Variants in IQSEC3 observed in about 807,000 individuals in gnomAD.
IQSEC3 encodes the protein IQ motif and Sec7 domain ArfGEF 3, also known as IQ motif and SEC7 domain-containing protein 3.
IQSEC3 carries 50 observed loss-of-function variants against 105.4 expected under a neutral mutation model. The ratio of observed to expected loss-of-function variants is 0.47; its 90% CI spans 0.38 to 0.60. The LOEUF is 0.60. Among genes scored for constraint, IQSEC3 ranks in the 20% least tolerant of loss-of-function variants. IQSEC3 has a pLI of 0.00. For missense variants in IQSEC3, 1,415 were observed against 1,630.0 expected, an observed-to-expected ratio of 0.87 and a Z score of 2.27; for synonymous variants, 708 against 746.0, an observed-to-expected ratio of 0.95 and a Z score of 0.83.
Position 157,558 on chromosome 12 carries a change from G to A in IQSEC3, c.2307G>A (p.Val769=). The change falls in exon 7 of 14, where the codon GTG becomes GTA. Residue 769 remains valine (V), a synonymous_variant. Coordinates refer to ENST00000538872, the MANE Select transcript of IQSEC3 (RefSeq NM_001170738.2). The part of the protein sequence containing the change: ...SQRYCMCNPE[V]VQQFHNPDTI... ...GCTACTGCATGTGCAACCCCGAAGT[G>A]GTTCAGCAGTTCCACAACCCCGACA... 6.2e-7 allele frequency: 1 copy of A among 1,614,110 alleles called. No individual in the cohort carries two copies. Among genetic ancestry groups the A allele is most frequent in the Non-Finnish European group, 8.5e-7 (1 of 1,179,980 alleles).
chr12:114,799 T>G (rs189005964), intron 2 of IQSEC3, among the ~76,000 whole-genome samples: 122 of 152,370 alleles, frequency 8.0e-4, no homozygotes, highest in African/African-American at 2.9e-3. Flanking sequence ...CACTGTCCCC[T>G]GGCCTGCCCC....
intron 2 of IQSEC3, among the ~76,000 whole-genome samples, chr12:112,330 C>T (rs1555079730): frequency 6.6e-6 from 1 of 151,978 alleles, no homozygotes; most frequent in Non-Finnish European, 1.5e-5. Flanking sequence ...GTGGGGGAGG[C>T]CGAGAAGCAG....
chr12:71,040 G>T (rs1229050999), intron 1 of IQSEC3, among the ~76,000 whole-genome samples: 1 of 152,198 alleles, frequency 6.6e-6, no homozygotes, highest in Non-Finnish European at 1.5e-5. Context: ...AGCTACACAG[G>T]GAAATCTCTT....
At chr12:159,158 G>A (rs567963959) in intron 7 of IQSEC3, among the ~76,000 whole-genome samples, 1 of 152,272 alleles carries the variant, frequency 6.6e-6, no homozygotes, top group African/African-American at 2.4e-5. Flanking sequence ...ACTTTCCTTG[G>A]AGTTAATGCT....
intron 3 of IQSEC3, among the ~76,000 whole-genome samples, chr12:131,412 G>A (rs1268805462): frequency 5.9e-5 from 9 of 152,164 alleles, no homozygotes; most frequent in South Asian, 2.1e-4. Flanking sequence ...GGTTCAGAAC[G>A]GGATTGGGGT....
intron 7 of IQSEC3, 48 bp from the exon 8 acceptor site, chr12:161,878 C>T (rs1555096330): frequency 1.4e-6 from 2 of 1,476,442 alleles, no homozygotes. Flanking sequence ...GGCTCTGACA[C>T]CCTCCCTCCC....
At chr12:163,407 CTG>C in intron 8 of IQSEC3, 85 bp from the exon 9 acceptor site, 2 of 1,381,560 alleles carry the variant, frequency 1.4e-6, no homozygotes, top group Non-Finnish European at 1.9e-6. Context: ...CTCTCCCGGG[CTG>C]TCTCCTCTTC....
In IQSEC3 at chr12:138,905, G is replaced by C. The variant is rs77474006; in HGVS notation, c.1542G>C (p.Gln514His). The part of the protein sequence containing the change: ...ALSVANCLGA[Q>H]TVQAPAEPAA... ...CGGTGGCCAACTGCCTGGGCGCTCA[G>C]ACGGTCCAGGCCCCCGCAGAGCCCG... is the stretch of plus-strand genomic sequence containing the variant. The change falls in exon 4 of 14, where the codon CAG (glutamine) becomes CAC (histidine). Residue 514 changes from glutamine to histidine, a missense_variant. By Grantham distance (24) the Gln-to-His change is conservative. This residue lies in a region of IQSEC3 where 720 missense variants were observed against 633.0 expected (regional missense o/e 1.14). Coordinates refer to ENST00000538872, the MANE Select transcript of IQSEC3 (RefSeq NM_001170738.2). This position sits in a 1 kb window ranked among gnomAD's most constrained non-coding sequence, Gnocchi z 7.1. The C allele has an allele frequency of 0.062, 99,454 of 1,606,956 alleles. 3,314 individuals are homozygous for C. The highest frequency in any genetic ancestry group is 0.081 in the East Asian group (3,611 of 44,598).
At chr12:169,288 G>A (rs1242862866) in intron 12 of IQSEC3, among the ~76,000 whole-genome samples, 183 bp downstream of exon 12, 1 of 152,222 alleles carries the variant, frequency 6.6e-6, no homozygotes, top group Non-Finnish European at 1.5e-5. Context: ...GAGGAGGAAG[G>A]CGAGAGAGAA....
At chr12:125,451 G>A (rs530484565) in intron 2 of IQSEC3, among the ~76,000 whole-genome samples, 182 bp from the exon 3 acceptor site, 122 of 152,094 alleles carry the variant, frequency 8.0e-4, no homozygotes, top group African/African-American at 2.3e-3. Flanking sequence ...GTTCTTCTCC[G>A]TGCCCAGGGC....
rs574955420 is a variant in IQSEC3, at chr12:74,347, A to C, written c.554+6911A>C. On this transcript the variant is annotated intron_variant, in intron 1 of 13. Coordinates refer to ENST00000538872, the MANE Select transcript of IQSEC3 (RefSeq NM_001170738.2). Reference sequence around the variant, plus strand: ...CTCTTAAAGACTTTTCTTACATGAGATATCTTCCAGGAAAATGAAAACAAA... The same window carrying C: ...CTCTTAAAGACTTTTCTTACATGAGCTATCTTCCAGGAAAATGAAAACAAA... Among the ~76,000 whole-genome samples the C allele has an allele frequency of 2.6e-5, 4 of 152,320 alleles. No homozygotes were observed. The East Asian group carries it at 7.7e-4, about 29-fold the overall frequency.
At position 139,303 on chromosome 12, in the gene IQSEC3, C is replaced by G; in HGVS notation, c.1940C>G (p.Thr647Ser). ...AGCTGCAAGTCGCCCACGCTCTCCA[C>G]CGACACCCTGCGCAAGCGGCTCTAC... is the stretch of plus-strand genomic sequence containing the variant. ...PASCKSPTLS[T>S]DTLRKRLYRI... The change falls in exon 4 of 14, where the codon ACC becomes AGC. Residue 647 changes from threonine (T) to serine (S), a missense_variant. Physicochemically the swap from Thr to Ser is moderately conservative, Grantham distance 58 (BLOSUM62 1). Coordinates refer to ENST00000538872, the MANE Select transcript of IQSEC3 (RefSeq NM_001170738.2). 1.2e-6 allele frequency: 2 copies of G among 1,602,558 alleles called. No homozygotes were observed. Among genetic ancestry groups the G allele is most frequent in the Non-Finnish European group, 1.7e-6 (2 of 1,175,348 alleles).
At chr12:141,580 C>A in intron 5 of IQSEC3, 1 of 353,966 alleles carries the variant, frequency 2.8e-6, no homozygotes, top group Non-Finnish European at 5.1e-6. Context: ...CTCTCCAGGG[C>A]AAGAGAAACC....
In IQSEC3 at chr12:175,221, ACC is replaced by A; in HGVS notation, c.*192_*193del. ...AACCATCCTTCCCTTTCTCAGCTGC[ACC>A]CCCTCTGCAGATCTGAAGACACACC... On this transcript the variant is annotated 3_prime_UTR_variant, in exon 14 of 14. Transcript: ENST00000538872. 1.8e-6 allele frequency: 1 copy of A among 560,594 alleles called. No homozygotes were observed. Among genetic ancestry groups the A allele is most frequent in the South Asian group, 2.7e-5 (1 of 37,662 alleles). The allele number at this position is 560,594 out of a possible 1,614,324, so 34.7% of individuals were successfully genotyped here.
chr12:116,837 C>T (rs556083702), intron 2 of IQSEC3, among the ~76,000 whole-genome samples: 2 of 152,150 alleles, frequency 1.3e-5, no homozygotes, highest in African/African-American at 4.8e-5. Flanking sequence ...ACAAGGGGGG[C>T]GTTTGCCCAT....
chr12:143,828 T>TGA (rs782367370), intron 5 of IQSEC3: 1 of 53,354 alleles, frequency 1.9e-5, no homozygotes, highest in African/African-American at 5.1e-5. Flanking sequence ...TGGGCACCCG[T>TGA]GTGTGTGTGT....
At chr12:74,949 C>CA (rs1302066800) in intron 1 of IQSEC3, among the ~76,000 whole-genome samples, 4 of 152,264 alleles carry the variant, frequency 2.6e-5, no homozygotes, top group Non-Finnish European at 5.9e-5. Flanking sequence ...ACCAAAAGAG[C>CA]CCATCAGGGC....
chr12:129,073 C>T (rs1185402580), intron 3 of IQSEC3, among the ~76,000 whole-genome samples: 1 of 152,242 alleles, frequency 6.6e-6, no homozygotes, highest in African/African-American at 2.4e-5. Context: ...AAGACTTCTG[C>T]TCATACTTCA....
intron 2 of IQSEC3, among the ~76,000 whole-genome samples, chr12:114,519 C>T (rs1263330928): frequency 2.0e-5 from 3 of 152,194 alleles, no homozygotes; most frequent in African/African-American, 7.2e-5. Context: ...AAGAGAGAGA[C>T]TCTGAGAACT....
Sources: allele counts gnomAD v4.1 joint callset (sites outside exome capture counted in the v4.1 genomes callset), GRCh38; gene constraint gnomAD v4.1.1; regional missense constraint gnomAD v4.1.1; non-coding constraint Gnocchi (gnomAD v3.1); transcripts MANE v1.5; gene names NCBI Gene and HGNC (gene_info 2026-07-23, HGNC 2026-07-21).